The following SLC5A11 variants were observed in gnomAD, a reference collection of about 807,000 sequenced individuals.
The protein encoded by SLC5A11 is solute carrier family 5 member 11.
SLC5A11 carries 48 observed loss-of-function variants against 69.8 expected under a neutral mutation model. The observed-to-expected ratio is 0.69, with a 90% CI of 0.55 to 0.87. The LOEUF (loss-of-function observed/expected upper bound fraction) is 0.87. Among genes scored for constraint, SLC5A11 ranks in the 40% least tolerant of loss-of-function variants. The pLI is 0.00. For synonymous variants in SLC5A11, 319 were observed against 342.4 expected (o/e 0.93, Z 0.75); for missense variants, 784 against 866.1 (o/e 0.91, Z 1.19).
At chr16:24,884,074 A>C in exon 8 of SLC5A11, 1 of 1,613,938 alleles carries the variant, frequency 6.2e-7, no homozygotes, top group Non-Finnish European at 8.5e-7. Context: ...TGTGATCTAC[A>C]CGGATGCCCT....
At chr16:24,891,493 A>T (rs2048808210) in intron 9 of SLC5A11, among the ~76,000 whole-genome samples, 1 of 151,508 alleles carries the variant, frequency 6.6e-6, no homozygotes, top group East Asian at 1.9e-4. Flanking sequence ...TATTATTATT[A>T]TTATTTTTTA....
chr16:24,897,233 C>T (rs998298537), intron 9 of SLC5A11, among the ~76,000 whole-genome samples: 16 of 151,998 alleles, frequency 1.1e-4, no homozygotes, highest in African/African-American at 2.2e-4. Context: ...GGATTACAAG[C>T]GTGAGCCATT....
intron 1 of SLC5A11, among the ~76,000 whole-genome samples, chr16:24,852,724 A>G (rs1019550137): frequency 1.3e-5 from 2 of 152,176 alleles, no homozygotes; most frequent in African/African-American, 4.8e-5. Context: ...GGCCAAGTCT[A>G]CGCTTCTCAT....
intron 10 of SLC5A11, among the ~76,000 whole-genome samples, chr16:24,901,954 A>ACGCG (rs1555532957): frequency 1.1e-5 from 1 of 88,422 alleles, no homozygotes; most frequent in African/African-American, 3.7e-5. Context: ...ACACACACAC[A>ACGCG]CACGCACACA....
chr16:24,896,506 A>C (rs946073617), intron 9 of SLC5A11, among the ~76,000 whole-genome samples: 1 of 152,034 alleles, frequency 6.6e-6, no homozygotes, highest in African/African-American at 2.4e-5. Context: ...TAAAAAAAAA[A>C]GGCATTTTAA....
intron 1 of SLC5A11, among the ~76,000 whole-genome samples, chr16:24,847,608 A>G (rs1290913229): frequency 6.6e-6 from 1 of 152,118 alleles, no homozygotes; most frequent in Non-Finnish European, 1.5e-5. Context: ...CTCCCGCCTC[A>G]GCCTTGCAAA....
intron 1 of SLC5A11, among the ~76,000 whole-genome samples, chr16:24,848,266 T>A (rs141442745): frequency 6.6e-6 from 1 of 152,136 alleles, no homozygotes; most frequent in Non-Finnish European, 1.5e-5. Flanking sequence ...AATGATCTGA[T>A]CTGACTCATA....
chr16:24,869,762 A>G, intron 3 of SLC5A11, 139 bp from the exon 5 acceptor site: 1 of 608,456 alleles, frequency 1.6e-6, no homozygotes, highest in Non-Finnish European at 2.9e-6. Flanking sequence ...ATGTAAACAA[A>G]AATGCCAGAT....
intron 3 of SLC5A11, among the ~76,000 whole-genome samples, chr16:24,866,678 A>T (rs1186499280): frequency 6.6e-6 from 1 of 152,184 alleles, no homozygotes; most frequent in African/African-American, 2.4e-5. Flanking sequence ...GAAAGTAAAA[A>T]GATGGAAAAA....
chr16:24,906,965 C>A, intron 11 of SLC5A11, 60 bp from the exon 13 acceptor site: 1 of 1,587,148 alleles, frequency 6.3e-7, no homozygotes. Context: ...GTTGAGCCCA[C>A]TGGGATCGGC....
At chr16:24,849,289 C>T (rs1325970877) in intron 1 of SLC5A11, among the ~76,000 whole-genome samples, 4 of 152,056 alleles carry the variant, frequency 2.6e-5, no homozygotes, top group Admixed American at 6.6e-5. Flanking sequence ...AATGAGAAGC[C>T]GGGCACGGTG....
At chr16:24,847,086 C>T (rs1204006194) in intron 1 of SLC5A11, among the ~76,000 whole-genome samples, 1 of 152,200 alleles carries the variant, frequency 6.6e-6, no homozygotes, top group African/African-American at 2.4e-5. Flanking sequence ...GCCATGAGCT[C>T]AGCCACAATA....
intron 1 of SLC5A11, among the ~76,000 whole-genome samples, chr16:24,856,707 C>G (rs1310283659): frequency 6.7e-6 from 1 of 149,234 alleles, no homozygotes; most frequent in African/African-American, 2.5e-5. Flanking sequence ...GGAGGCAGAG[C>G]TTGTAGTGAG....
At chr16:24,901,565 T>C (rs2049595083) in intron 10 of SLC5A11, among the ~76,000 whole-genome samples, 1 of 151,770 alleles carries the variant, frequency 6.6e-6, no homozygotes, top group African/African-American at 2.4e-5. Context: ...CAGTGAGCCA[T>C]GATCAGTGCA....
chr16:24,863,846 A>G (rs1220366686), intron 3 of SLC5A11, among the ~76,000 whole-genome samples: 2 of 152,166 alleles, frequency 1.3e-5, no homozygotes, highest in Non-Finnish European at 2.9e-5. Context: ...AAGCAACTGA[A>G]GAGGTCAGAA....
intron 1 of SLC5A11, among the ~76,000 whole-genome samples, chr16:24,849,591 A>AT (rs60683631): frequency 1.9e-3 from 107 of 57,440 alleles, no homozygotes; most frequent in Middle Eastern, 9.6e-3. Context: ...AAAAAAAAAA[A>AT]AAATATATAT....
intron 1 of SLC5A11, among the ~76,000 whole-genome samples, chr16:24,847,315 C>CT (rs1247818522): frequency 3.6e-4 from 51 of 141,166 alleles, no homozygotes; most frequent in Middle Eastern, 3.5e-3. Flanking sequence ...TTCTTTCTTT[C>CT]TTCTCTCTCT....
chr16:24,849,621 T>TCTGC (rs1555516002), intron 1 of SLC5A11, among the ~76,000 whole-genome samples: 5 of 123,716 alleles, frequency 4.0e-5, no homozygotes, highest in African/African-American at 1.6e-4. Context: ...TATATATATA[T>TCTGC]ATCCATGAGA....
chr16:24,891,009 C>T (rs964526073), exon 9 of SLC5A11: 2 of 1,614,114 alleles, frequency 1.2e-6, no homozygotes, highest in African/African-American at 1.3e-5. Flanking sequence ...GACATCTGAT[C>T]TCCCGTGGCC....
Sources: allele counts gnomAD v4.1 joint callset (sites outside exome capture counted in the v4.1 genomes callset), GRCh38; gene constraint gnomAD v4.1.1; transcripts MANE v1.5; gene names NCBI Gene and HGNC (gene_info 2026-07-23, HGNC 2026-07-21).